TAFA5: variants seen among roughly 807,000 people sequenced by gnomAD.
TAFA5 encodes TAFA chemokine like family member 5.
In TAFA5, 6 loss-of-function variants were observed where a neutral mutation model predicts 15.3. The observed-to-expected ratio is 0.39, with a 90% CI of 0.21 to 0.77. TAFA5 has a LOEUF of 0.77. TAFA5 is among the 30% of genes least tolerant of loss of function. TAFA5 has a pLI of 0.41. For missense variants in TAFA5, 161 were observed against 193.1 expected (o/e 0.83, Z 0.98); for synonymous variants, 103 against 80.7 (o/e 1.28, Z -1.48).
intron 1 of TAFA5, among the ~76,000 whole-genome samples, chr22:48,557,724 G>T (rs932496377): frequency 6.6e-6 from 1 of 152,214 alleles, no homozygotes; most frequent in Non-Finnish European, 1.5e-5. Context: ...CAGAGGTCCA[G>T]CCCCCACAGC....
intron 2 of TAFA5, among the ~76,000 whole-genome samples, chr22:48,680,471 C>T (rs112194442): frequency 0.03 from 3,539 of 116,824 alleles, 146 homozygotes; most frequent in African/African-American, 0.11. Context: ...GAGAGAAGGG[C>T]GAGGGGGCTA....
At chr22:48,542,860 AGTAT>A (rs934457735) in intron 1 of TAFA5, among the ~76,000 whole-genome samples, 3 of 84,722 alleles carry the variant, frequency 3.5e-5, no homozygotes, top group Non-Finnish European at 5.0e-5. Context: ...GTTTGTGTAG[AGTAT>A]GTATGGTGTG....
intron 3 of TAFA5, among the ~76,000 whole-genome samples, chr22:48,729,397 C>T (rs957420508): frequency 8.0e-6 from 1 of 125,706 alleles, no homozygotes; most frequent in East Asian, 2.0e-4. Context: ...ATATAATAGT[C>T]ATAAATATAT....
intron 3 of TAFA5, among the ~76,000 whole-genome samples, chr22:48,732,494 A>G (rs546835678): frequency 3.3e-5 from 5 of 152,136 alleles, no homozygotes; most frequent in South Asian, 2.1e-4. Context: ...CTAACCTCAT[A>G]ATCCACCCGC....
intron 1 of TAFA5, among the ~76,000 whole-genome samples, chr22:48,557,622 A>G (rs970229690): frequency 6.6e-6 from 1 of 152,226 alleles, no homozygotes; most frequent in Non-Finnish European, 1.5e-5. Flanking sequence ...CTCCACTGAA[A>G]GCTGGTAGCT....
intron 2 of TAFA5, among the ~76,000 whole-genome samples, chr22:48,687,322 G>A (rs1014528924): frequency 9.2e-5 from 14 of 151,444 alleles, no homozygotes; most frequent in Middle Eastern, 3.4e-3. Flanking sequence ...ATGAATGGAT[G>A]GTGGACAGGT....
At chr22:48,551,029 C>A (rs1922837852) in intron 1 of TAFA5, among the ~76,000 whole-genome samples, 1 of 152,044 alleles carries the variant, frequency 6.6e-6, no homozygotes, top group East Asian at 1.9e-4. Context: ...CCCTCTCCCC[C>A]AGGGCTGCTC....
At chr22:48,528,484 C>A (rs1022587521) in intron 1 of TAFA5, among the ~76,000 whole-genome samples, 1 of 152,144 alleles carries the variant, frequency 6.6e-6, no homozygotes, top group Non-Finnish European at 1.5e-5. Flanking sequence ...CTGCACCCAG[C>A]CCTGCCACAC....
chr22:48,740,008 C>T (rs553748884), intron 3 of TAFA5, among the ~76,000 whole-genome samples: 5 of 152,228 alleles, frequency 3.3e-5, no homozygotes, highest in East Asian at 1.9e-4. Flanking sequence ...GATCGGTGTC[C>T]GGATGTGCTG....
chr22:48,746,262 C>T (rs1336829245), intron 3 of TAFA5, among the ~76,000 whole-genome samples: 2 of 152,020 alleles, frequency 1.3e-5, no homozygotes, highest in Admixed American at 6.6e-5. Flanking sequence ...CACCCCGTGC[C>T]GTTCAGGAAG....
At chr22:48,749,725 G>A (rs1930426109) in intron 3 of TAFA5, 114 bp from the exon 4 acceptor site, 6 of 1,192,568 alleles carry the variant, frequency 5.0e-6, no homozygotes, top group Non-Finnish European at 7.3e-6. Context: ...CTTCGTTTCA[G>A]GCCCTCCAGG....
At chr22:48,655,573 G>T (rs978757700) in intron 2 of TAFA5, among the ~76,000 whole-genome samples, 1 of 152,144 alleles carries the variant, frequency 6.6e-6, no homozygotes, top group African/African-American at 2.4e-5. Context: ...TCTCCAGGAT[G>T]GTGGAGCTTT....
At chr22:48,511,891 C>G (rs1222538528) in intron 1 of TAFA5, among the ~76,000 whole-genome samples, 2 of 152,242 alleles carry the variant, frequency 1.3e-5, no homozygotes, top group Non-Finnish European at 1.5e-5. Flanking sequence ...GGCGGGCTCC[C>G]GGAAAGGGCT....
Position 48,561,518 on chromosome 22 carries a change from A to T in TAFA5, c.112+71814A>T, listed in dbSNP as rs936308602. 4.6e-4 allele frequency among the ~76,000 whole-genome samples: 70 copies of T among 152,184 alleles called. 1 individual carries two copies. Among genetic ancestry groups the T allele is most frequent in the Non-Finnish European group, 7.4e-5 (5 of 68,002 alleles). ...CTTCTGGAGCCTGACCTCTCTGTGGAGGCCACACCTCTCCACGGTTTGAAA... is the reference window on the plus strand; with the variant it reads ...CTTCTGGAGCCTGACCTCTCTGTGGTGGCCACACCTCTCCACGGTTTGAAA... On this transcript the variant is annotated intron_variant, in intron 1 of 3. Coordinates refer to ENST00000402357, the MANE Select transcript of TAFA5 (RefSeq NM_001082967.3).
intron 3 of TAFA5, among the ~76,000 whole-genome samples, chr22:48,715,135 G>A (rs1300806403): frequency 6.6e-6 from 1 of 152,164 alleles, no homozygotes; most frequent in Non-Finnish European, 1.5e-5. Flanking sequence ...TGAACTTTGG[G>A]GGCCCCCCAT....
intron 1 of TAFA5, among the ~76,000 whole-genome samples, chr22:48,630,550 A>G (rs1044942773): frequency 6.6e-6 from 1 of 152,184 alleles, no homozygotes; most frequent in Non-Finnish European, 1.5e-5. Flanking sequence ...GCAGGTGGCC[A>G]CGCCTTCTTA....
At chr22:48,546,795 T>C (rs1266333374) in intron 1 of TAFA5, 3 of 345,340 alleles carry the variant, frequency 8.7e-6, no homozygotes, top group Non-Finnish European at 1.7e-5. Context: ...GAGGGTTGAT[T>C]CCCGAAGTCA....
chr22:48,654,142 T>A (rs1404811368), intron 2 of TAFA5, among the ~76,000 whole-genome samples: 1 of 152,112 alleles, frequency 6.6e-6, no homozygotes, highest in Non-Finnish European at 1.5e-5. Flanking sequence ...GGCGGTCACC[T>A]GGCTCTGCTC....
intron 1 of TAFA5, among the ~76,000 whole-genome samples, chr22:48,523,434 T>C (rs1237873547): frequency 1.3e-5 from 2 of 152,224 alleles, no homozygotes; most frequent in African/African-American, 2.4e-5. Context: ...GGTGAATCAC[T>C]TATCTCCTGG....
Sources: allele counts gnomAD v4.1 joint callset (sites outside exome capture counted in the v4.1 genomes callset), GRCh38; gene constraint gnomAD v4.1.1; transcripts MANE v1.5; gene names NCBI Gene and HGNC (gene_info 2026-07-23, HGNC 2026-07-21).